The following RARB variants were observed in gnomAD, a reference collection of about 807,000 sequenced individuals.
RARB encodes the protein retinoic acid receptor beta.
A neutral mutation model predicts 51.9 loss-of-function variants in RARB; 17 were observed. The ratio of observed to expected loss-of-function variants is 0.33; its 90% CI spans 0.22 to 0.49. The LOEUF is 0.49. RARB is among the 20% of genes least tolerant of loss of function. RARB has a pLI of 0.99. For missense variants in RARB, 369 were observed against 550.8 expected (o/e 0.67, Z 3.30); for synonymous variants, 215 against 195.4 (o/e 1.10, Z -0.84).
chr3:25,554,587 A>G (rs1008705572), intron 3 of RARB, among the ~76,000 whole-genome samples: 1 of 152,122 alleles, frequency 6.6e-6, no homozygotes. Flanking sequence ...CCTGGGCTAG[A>G]CTGTGACTCA....
chr3:24,940,068 A>G (rs778398298), intron 2 of RARB, among the ~76,000 whole-genome samples: 2 of 152,210 alleles, frequency 1.3e-5, no homozygotes, highest in Non-Finnish European at 2.9e-5. Flanking sequence ...GTGTAGAGTT[A>G]AAGTAAGCTC....
chr3:25,219,605 G>C (rs1288154569), intron 5 of RARB, among the ~76,000 whole-genome samples: 1 of 152,148 alleles, frequency 6.6e-6, no homozygotes, highest in Admixed American at 6.5e-5. Flanking sequence ...ACTTGCTGAA[G>C]GGCCGCATGC....
intron 2 of RARB, among the ~76,000 whole-genome samples, chr3:24,900,346 A>G (rs1430148994): frequency 6.6e-6 from 1 of 152,228 alleles, no homozygotes; most frequent in Non-Finnish European, 1.5e-5. Context: ...GCTGATTACA[A>G]CATAATGGAG....
chr3:25,174,943 TAG>T (rs956765260), intron 5 of RARB, among the ~76,000 whole-genome samples: 4 of 152,210 alleles, frequency 2.6e-5, no homozygotes, highest in Admixed American at 2.0e-4. Flanking sequence ...ATGATAATAC[TAG>T]AGTTAAAAGC....
intron 5 of RARB, among the ~76,000 whole-genome samples, chr3:25,401,966 CAG>C (rs970224210): frequency 2.6e-5 from 4 of 151,926 alleles, no homozygotes; most frequent in African/African-American, 9.7e-5. Context: ...TTAGTAGAGA[CAG>C]GGTTTCACCA....
intron 2 of RARB, among the ~76,000 whole-genome samples, chr3:25,046,478 G>A (rs954400508): frequency 2.6e-5 from 4 of 152,070 alleles, no homozygotes; most frequent in African/African-American, 4.8e-5. Context: ...TTTTGAGACA[G>A]GGTCTCACTC....
intron 3 of RARB, among the ~76,000 whole-genome samples, chr3:25,102,525 A>T (rs1176385965): frequency 6.6e-6 from 1 of 152,022 alleles, no homozygotes; most frequent in African/African-American, 2.4e-5. Context: ...GGACGACAGA[A>T]TAAGACTCTG....
chr3:24,942,818 T>C (rs1011467943), intron 2 of RARB, among the ~76,000 whole-genome samples: 7 of 152,204 alleles, frequency 4.6e-5, no homozygotes, highest in Non-Finnish European at 8.8e-5. Context: ...TATTAACTTA[T>C]GGATTCAATA....
chr3:25,221,539 G>T (rs912359953), intron 5 of RARB, among the ~76,000 whole-genome samples: 4 of 152,112 alleles, frequency 2.6e-5, no homozygotes, highest in Non-Finnish European at 4.4e-5. Context: ...ACTGATACAA[G>T]TACTGTCAAA....
intron 5 of RARB, among the ~76,000 whole-genome samples, chr3:25,195,087 T>C (rs922041195): frequency 2.6e-5 from 4 of 152,030 alleles, no homozygotes; most frequent in Non-Finnish European, 4.4e-5. Flanking sequence ...CAGTCAGTAA[T>C]TAGAAGGCAA....
intron 5 of RARB, among the ~76,000 whole-genome samples, chr3:25,385,270 A>T (rs1706758877): frequency 1.3e-5 from 2 of 152,270 alleles, no homozygotes; most frequent in South Asian, 4.1e-4. Context: ...AGGACAATAC[A>T]GCCCCCTTTG....
At chr3:25,411,427 C>T (rs1422107440) in intron 5 of RARB, among the ~76,000 whole-genome samples, 1 of 152,198 alleles carries the variant, frequency 6.6e-6, no homozygotes, top group Non-Finnish European at 1.5e-5. Flanking sequence ...AGATCCAGTG[C>T]ATGTTAAAAC....
intron 5 of RARB, among the ~76,000 whole-genome samples, chr3:25,341,838 C>T (rs1288716923): frequency 6.6e-6 from 1 of 152,100 alleles, no homozygotes; most frequent in Non-Finnish European, 1.5e-5. Context: ...GCCCTGGTTT[C>T]GTTGAGCCTT....
chr3:25,294,741 T>G (rs111445894), intron 5 of RARB, among the ~76,000 whole-genome samples: 38,439 of 151,938 alleles, frequency 0.25, 5,844 homozygotes, highest in African/African-American at 0.43. Flanking sequence ...CTAGAAGTCA[T>G]TTGGCAATGT....
intron 3 of RARB, among the ~76,000 whole-genome samples, chr3:25,079,264 TAATA>T (rs1698941302): frequency 6.6e-6 from 1 of 152,236 alleles, no homozygotes; most frequent in African/African-American, 2.4e-5. Flanking sequence ...TACACATTTT[TAATA>T]AATATCTTAG....
At chr3:24,847,088 G>A (rs528416936) in intron 1 of RARB, among the ~76,000 whole-genome samples, 1 of 152,296 alleles carries the variant, frequency 6.6e-6, no homozygotes, top group African/African-American at 2.4e-5. Flanking sequence ...CTGAGCTTCT[G>A]CTTCTACACT....
chr3:25,237,205 T>C (rs573188529), intron 5 of RARB, among the ~76,000 whole-genome samples: 30 of 152,264 alleles, frequency 2.0e-4, no homozygotes, highest in Non-Finnish European at 4.0e-4. Flanking sequence ...ATGCTTTAGC[T>C]AATCCCTTTG....
intron 3 of RARB, among the ~76,000 whole-genome samples, chr3:25,124,301 G>T (rs1205430940): frequency 6.6e-6 from 1 of 152,178 alleles, no homozygotes; most frequent in Admixed American, 6.5e-5. Flanking sequence ...TTGAACCCAG[G>T]AGGTGAAAGT....
At chr3:25,282,499 C>T (rs1575281385) in intron 5 of RARB, among the ~76,000 whole-genome samples, 2 of 152,148 alleles carry the variant, frequency 1.3e-5, no homozygotes, top group Admixed American at 6.5e-5. Context: ...ATACAAAATA[C>T]TTAATATATA....
Sources: gnomAD v4.1 joint callset for allele counts (sites outside exome capture counted in the v4.1 genomes callset) on GRCh38, gnomAD v4.1.1 for gene constraint, MANE v1.5 for transcripts, NCBI Gene and HGNC (gene_info 2026-07-23, HGNC 2026-07-21) for gene names.